MSRA: variants seen among roughly 807,000 people sequenced by gnomAD.
The protein encoded by MSRA is methionine sulfoxide reductase A, also known as mitochondrial peptide methionine sulfoxide reductase.
Under a neutral mutation model 31.3 loss-of-function variants are expected in MSRA, and 54 were observed. That is an observed-to-expected ratio of 1.73 (90% CI 1.39 to 2.17). The LOEUF is 2.17. Among genes scored for constraint, MSRA ranks in the 30% most tolerant of loss-of-function variants. MSRA has a pLI of 0.00. For synonymous variants in MSRA, 169 were observed against 116.5 expected, an observed-to-expected ratio of 1.45 and a Z score of -2.90; for missense variants, 507 against 300.9, an observed-to-expected ratio of 1.69 and a Z score of -5.07.
At chr8:10,364,416 A>G (rs1367687377) in intron 5 of MSRA, among the ~76,000 whole-genome samples, 2 of 152,208 alleles carry the variant, frequency 1.3e-5, no homozygotes, top group African/African-American at 4.8e-5. Flanking sequence ...GCGAATCTCC[A>G]TCACACTTGG....
intron 1 of MSRA, among the ~76,000 whole-genome samples, chr8:10,120,588 T>C (rs1004700502): frequency 6.6e-6 from 1 of 152,256 alleles, no homozygotes; most frequent in Non-Finnish European, 1.5e-5. Flanking sequence ...GGATATTTGC[T>C]GAACATCAAG....
intron 5 of MSRA, chr8:10,353,714 C>A: frequency 2.2e-6 from 1 of 452,786 alleles, no homozygotes; most frequent in East Asian, 7.0e-5. Context: ...CTGTACCTGC[C>A]CACTGCCACC....
intron 1 of MSRA, among the ~76,000 whole-genome samples, chr8:10,164,335 G>T (rs553552162): frequency 6.6e-6 from 1 of 152,116 alleles, no homozygotes; most frequent in African/African-American, 2.4e-5. Context: ...CGAGGGCTGC[G>T]TATCGCCTGG....
At chr8:10,082,086 G>C (rs1261418507) in intron 1 of MSRA, among the ~76,000 whole-genome samples, 1 of 152,110 alleles carries the variant, frequency 6.6e-6, no homozygotes, top group African/African-American at 2.4e-5. Flanking sequence ...TGCACCCGTA[G>C]TCCCAGCTAC....
At chr8:10,327,088 AAGAG>A (rs1420728594) in intron 5 of MSRA, among the ~76,000 whole-genome samples, 1 of 152,244 alleles carries the variant, frequency 6.6e-6, no homozygotes, top group East Asian at 1.9e-4. Context: ...TCTCGCGAAA[AAGAG>A]AGAAGAAAAG....
At chr8:10,220,310 T>G (rs2129067072) in intron 2 of MSRA, among the ~76,000 whole-genome samples, 3 of 152,334 alleles carry the variant, frequency 2.0e-5, no homozygotes, top group Admixed American at 2.0e-4. Context: ...GTCTTTCTGA[T>G]GGAGGTCCCA....
At chr8:10,273,760 A>T (rs1799167512) in intron 3 of MSRA, among the ~76,000 whole-genome samples, 1 of 152,182 alleles carries the variant, frequency 6.6e-6, no homozygotes, top group Non-Finnish European at 1.5e-5. Flanking sequence ...GAAGTCGATA[A>T]ATACACTGTT....
chr8:10,121,977 A>G (rs951524114), intron 1 of MSRA, among the ~76,000 whole-genome samples: 7 of 151,884 alleles, frequency 4.6e-5, no homozygotes, highest in African/African-American at 4.8e-5. Context: ...CACTGTGTAA[A>G]TGTTTTGTAG....
At chr8:10,105,370 A>G (rs577634368) in intron 1 of MSRA, among the ~76,000 whole-genome samples, 43 of 152,342 alleles carry the variant, frequency 2.8e-4, no homozygotes, top group Admixed American at 1.1e-3. Flanking sequence ...CTTAGAATGC[A>G]TCAGAATTTT....
intron 4 of MSRA, 92 bp downstream of exon 4, chr8:10,301,730 A>G: frequency 1.0e-6 from 1 of 995,582 alleles, no homozygotes; most frequent in Non-Finnish European, 1.5e-6. Flanking sequence ...TGAACCTTGA[A>G]ATCACACAGG....
chr8:10,302,837 A>G lies in MSRA; in HGVS notation c.436+1199A>G, dbSNP rs554064145. On this transcript the variant is annotated intron_variant, in intron 4 of 5. Coordinates refer to ENST00000317173, the MANE Select transcript of MSRA (RefSeq NM_012331.5). ...GTACCTGGTGGAAGAGGGATGAGGTATGGGGCAGGGTAGGGAAAGAACCGG... is the reference window on the plus strand; with the variant it reads ...GTACCTGGTGGAAGAGGGATGAGGTGTGGGGCAGGGTAGGGAAAGAACCGG... 2.1e-3 allele frequency among the ~76,000 whole-genome samples: 321 copies of G among 152,294 alleles called. 3 individuals are homozygous for G. The highest frequency in any genetic ancestry group is 7.4e-3 in the African/African-American group (309 of 41,558).
chr8:10,407,592 C>T (rs1202196587), intron 5 of MSRA, among the ~76,000 whole-genome samples: 1 of 152,166 alleles, frequency 6.6e-6, no homozygotes, highest in Admixed American at 6.5e-5. Context: ...CGAAGACCAA[C>T]CGCTTTGGGA....
At chr8:10,085,962 G>A (rs1230882062) in intron 1 of MSRA, among the ~76,000 whole-genome samples, 11 of 152,186 alleles carry the variant, frequency 7.2e-5, no homozygotes, top group Admixed American at 7.2e-4. Context: ...GATAGACCTT[G>A]CTGCTGGGTG....
chr8:10,262,666 C>G (rs1277232431), intron 3 of MSRA, among the ~76,000 whole-genome samples: 1 of 152,116 alleles, frequency 6.6e-6, no homozygotes, highest in Non-Finnish European at 1.5e-5. Flanking sequence ...CCTTTTCATT[C>G]TCTGAAAAAT....
intron 1 of MSRA, among the ~76,000 whole-genome samples, chr8:10,120,854 G>A (rs1801058656): frequency 6.6e-6 from 1 of 152,140 alleles, no homozygotes; most frequent in Non-Finnish European, 1.5e-5. Context: ...GTGTCTCTGT[G>A]CACCTGTACA....
At chr8:10,233,769 T>C (rs1176964569) in intron 2 of MSRA, among the ~76,000 whole-genome samples, 1 of 152,146 alleles carries the variant, frequency 6.6e-6, no homozygotes, top group Non-Finnish European at 1.5e-5. Flanking sequence ...GAAGCAATAT[T>C]TGAGAATATA....
chr8:10,072,164 G>A (rs181097012), intron 1 of MSRA, among the ~76,000 whole-genome samples: 2 of 152,130 alleles, frequency 1.3e-5, no homozygotes, highest in Admixed American at 6.5e-5. Flanking sequence ...TGAGAGATAC[G>A]TATTCCACAC....
chr8:10,409,119 T>G (rs1808000704), intron 5 of MSRA, among the ~76,000 whole-genome samples: 1 of 152,224 alleles, frequency 6.6e-6, no homozygotes, highest in South Asian at 2.1e-4. Flanking sequence ...GCAGTTCTAT[T>G]TTTAGTTCTT....
At chr8:10,300,265 T>A (rs1171026007) in intron 3 of MSRA, among the ~76,000 whole-genome samples, 1 of 152,062 alleles carries the variant, frequency 6.6e-6, no homozygotes. Flanking sequence ...CTTTCTTTTT[T>A]TTTTCTTTGA....
Sources: gnomAD v4.1 joint callset for allele counts (sites outside exome capture counted in the v4.1 genomes callset) on GRCh38, gnomAD v4.1.1 for gene constraint, MANE v1.5 for transcripts, NCBI Gene and HGNC (gene_info 2026-07-23, HGNC 2026-07-21) for gene names.